Variants in NIPAL1 observed in about 807,000 individuals in gnomAD.
The protein encoded by NIPAL1 is magnesium transporter NIPA3.
Under a neutral mutation model 37.7 loss-of-function variants are expected in NIPAL1, and 35 were observed. The observed-to-expected ratio is 0.93, with a 90% CI of 0.71 to 1.23. The LOEUF (loss-of-function observed/expected upper bound fraction) is 1.23. Ranked by LOEUF, NIPAL1 falls within the 50% of genes most tolerant of loss-of-function variation. The pLI is 0.00. For synonymous variants in NIPAL1, 162 were observed against 183.0 expected, an observed-to-expected ratio of 0.89 and a Z score of 0.93; for missense variants, 412 against 473.9, an observed-to-expected ratio of 0.87 and a Z score of 1.21.
rs367712542 is a variant in NIPAL1 at position 48,032,976 on chromosome 4, C to G, written c.371-17C>G. The G allele has an allele frequency of 5.0e-6, 8 of 1,590,302 alleles. No individual in the cohort carries two copies. Among genetic ancestry groups the G allele is most frequent in the Non-Finnish European group, 6.9e-6 (8 of 1,159,582 alleles). ...GTAAGCCCATTTTTTATATCAATAT[C>G]TCTGCTTGCTTTCTAGTGGGAGCAG... On this transcript the variant is annotated splice_polypyrimidine_tract_variant and intron_variant, in intron 3 of 5. Coordinates refer to ENST00000295461, the MANE Select transcript of NIPAL1 (RefSeq NM_207330.3).
Position 48,039,440 on chromosome 4 carries a change from G to T in NIPAL1, c.*3268G>T, listed in dbSNP as rs1473782560. 1 of 152,080 alleles carries T rather than the reference G, an allele frequency of 6.6e-6. No homozygotes were observed. The highest frequency in any genetic ancestry group is 1.5e-5 in the Non-Finnish European group (1 of 68,030). 9.4% of individuals were successfully genotyped at this position (152,080 alleles called of 1,614,324 possible). Reference sequence around the variant, plus strand: ...CTATTAGTCTTAACTGGTAGTTTATGTATATATTTTAATACTTTGTCATCA... The same window carrying T: ...CTATTAGTCTTAACTGGTAGTTTATTTATATATTTTAATACTTTGTCATCA... On this transcript the variant is annotated 3_prime_UTR_variant, in exon 6 of 6. Coordinates refer to ENST00000295461, the MANE Select transcript of NIPAL1 (RefSeq NM_207330.3).
chr4:48,024,039 G>A (rs1043246753), intron 1 of NIPAL1, among the ~76,000 whole-genome samples: 18 of 146,050 alleles, frequency 1.2e-4, no homozygotes, highest in Admixed American at 3.5e-4. Flanking sequence ...GCAGTGGCGC[G>A]ATCTCAGCTC....
At chr4:48,029,177 G>A (rs902889917) in intron 2 of NIPAL1, among the ~76,000 whole-genome samples, 2 of 152,072 alleles carry the variant, frequency 1.3e-5, no homozygotes, top group Non-Finnish European at 2.9e-5. Context: ...AGTGCCCATC[G>A]ACAGAGGACT....
At chr4:48,025,543 G>A (rs937266258) in intron 2 of NIPAL1, among the ~76,000 whole-genome samples, 2 of 152,148 alleles carry the variant, frequency 1.3e-5, no homozygotes, top group Non-Finnish European at 2.9e-5. Flanking sequence ...GACCTACTCA[G>A]CATCTTAAGT....
At chr4:48,035,487 A>G in intron 5 of NIPAL1, 75 bp from the exon 6 acceptor site, 4 of 1,385,108 alleles carry the variant, frequency 2.9e-6, no homozygotes, top group South Asian at 1.3e-5. Context: ...TCTTAAACTC[A>G]TGACTAACAA....
chr4:48,020,363 G>A (rs1715545585), intron 1 of NIPAL1, among the ~76,000 whole-genome samples: 1 of 152,176 alleles, frequency 6.6e-6, no homozygotes, highest in Admixed American at 6.5e-5. Flanking sequence ...CTTCCCACTG[G>A]TTAGCGTTTG....
intron 2 of NIPAL1, among the ~76,000 whole-genome samples, chr4:48,026,304 T>G (rs1417579446): frequency 1.3e-5 from 2 of 152,206 alleles, no homozygotes; most frequent in East Asian, 3.8e-4. Flanking sequence ...TCATTAACCA[T>G]GAGTTTTCTA....
intron 5 of NIPAL1, 111 bp downstream of exon 5, chr4:48,035,152 T>C: frequency 1.1e-6 from 1 of 926,162 alleles, no homozygotes; most frequent in Non-Finnish European, 1.7e-6. Context: ...GGCCGCATTG[T>C]GGGTTGTGAG....
Position 48,016,851 on chromosome 4 carries a change from G to A in NIPAL1, c.12G>A (p.Gln4=), listed in dbSNP as rs1031907828. The change falls in exon 1 of 6, where the codon CAG becomes CAA. Residue 4 remains glutamine (Q), a synonymous_variant. Transcript: ENST00000295461. MGA[Q]VRLPPGEPCR... ...CCGCTCCCGGGGCCATGGGGGCACA[G>A]GTGAGGCTGCCGCCCGGAGAGCCCT... 44 of 1,589,598 alleles carry A rather than the reference G, an allele frequency of 2.8e-5. No homozygotes were observed. Among genetic ancestry groups the A allele is most frequent in the African/African-American group, 4.0e-5 (3 of 74,484 alleles).
intron 1 of NIPAL1, among the ~76,000 whole-genome samples, chr4:48,018,793 C>A (rs73149626): frequency 2.8e-4 from 42 of 152,302 alleles, no homozygotes; most frequent in African/African-American, 1.0e-3. Flanking sequence ...CCTTACTGTT[C>A]AGATGGCAGC....
chr4:48,026,549 A>G (rs1715690419), intron 2 of NIPAL1, among the ~76,000 whole-genome samples: 1 of 152,138 alleles, frequency 6.6e-6, no homozygotes, highest in South Asian at 2.1e-4. Context: ...TATATATAAC[A>G]ATTGAATTTG....
intron 2 of NIPAL1, among the ~76,000 whole-genome samples, chr4:48,028,317 C>T (rs1050507905): frequency 3.3e-5 from 5 of 151,988 alleles, no homozygotes; most frequent in Non-Finnish European, 7.4e-5. Context: ...AAATAATATA[C>T]GCTAGGGAAC....
chr4:48,031,308 A>C (rs1223863074), intron 3 of NIPAL1, among the ~76,000 whole-genome samples: 1 of 151,742 alleles, frequency 6.6e-6, no homozygotes, highest in African/African-American at 2.4e-5. Context: ...CAGGTCACCC[A>C]CCTCGGCCTT....
chr4:48,038,988 C>T lies in NIPAL1; in HGVS notation c.*2816C>T, dbSNP rs1229427571. Reference sequence around the variant, plus strand: ...TGAGAAACAATGAAATATTTGAAAACTGTCTACATAAAAGTTACTGATGCA... The same window carrying T: ...TGAGAAACAATGAAATATTTGAAAATTGTCTACATAAAAGTTACTGATGCA... On this transcript the variant is annotated 3_prime_UTR_variant, in exon 6 of 6. Coordinates refer to ENST00000295461, the MANE Select transcript of NIPAL1 (RefSeq NM_207330.3). 1 of 151,866 alleles carries T rather than the reference C, an allele frequency of 6.6e-6. No homozygotes were observed. Among genetic ancestry groups the T allele is most frequent in the East Asian group, 1.9e-4 (1 of 5,174 alleles). The allele number at this position is 151,866 out of a possible 1,614,324, so 9.4% of individuals were successfully genotyped here.
chr4:48,018,959 G>A (rs1715513368), intron 1 of NIPAL1, among the ~76,000 whole-genome samples: 1 of 152,234 alleles, frequency 6.6e-6, no homozygotes, highest in Non-Finnish European at 1.5e-5. Flanking sequence ...CATGAGATCT[G>A]AAGATAGAAC....
chr4:48,016,780 G>C lies in NIPAL1; in HGVS notation c.-60G>C, dbSNP rs1009797639. The C allele has an allele frequency of 2.0e-6, 3 of 1,497,238 alleles. No homozygotes were observed. The African/African-American group carries it at 4.2e-5, about 21-fold the overall frequency. The allele number at this position is 1,497,238 out of a possible 1,614,324, so 92.7% of individuals were successfully genotyped here. On this transcript the variant is annotated 5_prime_UTR_variant, in exon 1 of 6. Coordinates refer to ENST00000295461, the MANE Select transcript of NIPAL1 (RefSeq NM_207330.3). ...CCGCAGCCCCGCCCGCCGCGGGTGC[G>C]TGTGGAGAGGCCCAGGTGAGGAGCA...
rs1203940236 is a variant in NIPAL1 at position 48,030,216 on chromosome 4, T to G, written c.370+40T>G. ...CTGAGAATACTGTTTATTTGTAAGA[T>G]AGTAAATAGATTACATGAAATTTTT... On this transcript the variant is annotated intron_variant, in intron 3 of 5. Transcript: ENST00000295461. 2.1e-5 allele frequency: 26 copies of G among 1,211,456 alleles called. 1 individual carries two copies. In the Admixed American group the frequency reaches 4.4e-4, roughly 21 times the overall value. 75.0% of individuals were successfully genotyped at this position (1,211,456 alleles called of 1,614,324 possible).
rs1716045318 is a variant in NIPAL1, at chr4:48,040,076, T to C, written c.*3904T>C. 1.3e-5 allele frequency: 2 copies of C among 152,230 alleles called. No individual in the cohort carries two copies. The highest frequency in any genetic ancestry group is 4.1e-4 in the South Asian group (2 of 4,830). 9.4% of individuals were successfully genotyped at this position (152,230 alleles called of 1,614,324 possible). ...TTTTGAATAAACTGTTCATGAAGCC[T>C]TATATTTTGCAAGTGTTTTTACTGT... On this transcript the variant is annotated 3_prime_UTR_variant, in exon 6 of 6. Transcript: ENST00000295461.
chr4:48,025,009 G>A lies in NIPAL1; in HGVS notation c.47-59G>A, dbSNP rs761659336. The A allele has an allele frequency of 8.8e-5, 128 of 1,461,994 alleles. No individual in the cohort carries two copies. In the Middle Eastern group the frequency reaches 1.8e-3, roughly 20 times the overall value. 90.6% of individuals were successfully genotyped at this position (1,461,994 alleles called of 1,614,324 possible). A position where few individuals can be genotyped will look rare whatever the true frequency, so the allele number is the denominator to read the frequency against. On this transcript the variant is annotated intron_variant, in intron 1 of 5. Transcript: ENST00000295461. ...AAGGCTCTGTTTCCTGCAGAAAGCC[G>A]GTAAGCATTAATACCTCTCCCTTTC...
Sources: allele counts gnomAD v4.1 joint callset (sites outside exome capture counted in the v4.1 genomes callset), GRCh38; gene constraint gnomAD v4.1.1; transcripts MANE v1.5; gene names NCBI Gene and HGNC (gene_info 2026-07-23, HGNC 2026-07-21).